Variants in COL5A2 observed in about 807,000 individuals in gnomAD.
COL5A2 encodes collagen alpha-2(V) chain.
Under a neutral mutation model 208.2 loss-of-function variants are expected in COL5A2, and 23 were observed. That is an observed-to-expected ratio of 0.11 (90% confidence interval 0.08 to 0.16). The LOEUF is 0.16. Ranked by LOEUF, COL5A2 falls within the 10% of genes least tolerant of loss-of-function variation. The pLI, the probability that COL5A2 is intolerant of heterozygous loss-of-function variation, is 1.00. For missense variants in COL5A2, 1,590 were observed against 1,956.4 expected (o/e 0.81, Z 3.53); for synonymous variants, 625 against 628.5 (o/e 0.99, Z 0.08).
Position 189,110,358 on chromosome 2 carries a change from G to C in COL5A2, c.189C>G (p.Val63=). The change falls in exon 2 of 54, where the codon GTC becomes GTG. Residue 63 remains valine (V), a synonymous_variant. Coordinates refer to ENST00000374866, the MANE Select transcript of COL5A2 (RefSeq NM_000393.5). ...CACAGAGAATGGCTCCATTGTCACA[G>C]ACACAGATCTGACAAGGGGCAGGTT... is the stretch of plus-strand genomic sequence containing the variant. The part of the protein sequence containing the change: ...IWKPAPCQIC[V]CDNGAILCDK... 2 of 1,614,138 alleles carry C rather than the reference G, an allele frequency of 1.2e-6. No individual in the cohort carries two copies. Among genetic ancestry groups the C allele is most frequent in the Non-Finnish European group, 1.7e-6 (2 of 1,180,008 alleles).
rs1576506089 is a variant in COL5A2, at chr2:189,068,895, G to A, written c.1159-11C>T. On this transcript the variant is annotated splice_polypyrimidine_tract_variant and intron_variant, in intron 18 of 53. Coordinates refer to ENST00000374866, the MANE Select transcript of COL5A2 (RefSeq NM_000393.5). ...AGGACCTGCTTCTCCCTAAAAGGGTGCAAAGGGAAATGTTAATTTAAGAAA... is the reference window on the plus strand; with the variant it reads ...AGGACCTGCTTCTCCCTAAAAGGGTACAAAGGGAAATGTTAATTTAAGAAA... The A allele has an allele frequency of 4.5e-6, 7 of 1,567,416 alleles. No homozygotes were observed. The highest frequency in any genetic ancestry group is 8.8e-7 in the Non-Finnish European group (1 of 1,138,118).
the COL5A2 span, among the ~76,000 whole-genome samples, chr2:189,361,076 C>T: frequency 0.037 from 5,538 of 151,630 alleles, 117 homozygotes; most frequent in Admixed American, 0.05. Flanking sequence ...GTGTACTCAG[C>T]AGCTGTTGGA....
chr2:189,351,131 C>T, the COL5A2 span, among the ~76,000 whole-genome samples: 198 of 152,248 alleles, frequency 1.3e-3, 3 homozygotes, highest in Middle Eastern at 0.017. Context: ...ATATGGCTAA[C>T]ATGTAGATAA....
At chr2:189,060,270 A>G (rs922888047) in intron 31 of COL5A2, among the ~76,000 whole-genome samples, 3 of 152,216 alleles carry the variant, frequency 2.0e-5, no homozygotes, top group African/African-American at 7.2e-5. Flanking sequence ...CTGTAAGGAC[A>G]GCAAGGTCCA....
the COL5A2 span, among the ~76,000 whole-genome samples, chr2:189,409,476 T>C: frequency 6.6e-6 from 1 of 152,098 alleles, no homozygotes; most frequent in Non-Finnish European, 1.5e-5. Context: ...AAGGAATTAA[T>C]GAAATAAGAA....
At chr2:189,273,226 C>T in the COL5A2 span, among the ~76,000 whole-genome samples, 56 of 152,188 alleles carry the variant, frequency 3.7e-4, no homozygotes, top group Middle Eastern at 0.02. Flanking sequence ...TATCATGTGA[C>T]AGCCTATGTG....
the COL5A2 span, among the ~76,000 whole-genome samples, chr2:189,391,766 T>C: frequency 2.0e-5 from 3 of 152,144 alleles, no homozygotes; most frequent in Non-Finnish European, 2.9e-5. Context: ...AGGTTAGAAC[T>C]TGCTTCAAAA....
the COL5A2 span, among the ~76,000 whole-genome samples, chr2:189,410,172 T>C: frequency 6.6e-6 from 1 of 152,210 alleles, no homozygotes; most frequent in African/African-American, 2.4e-5. Flanking sequence ...AACATAACTT[T>C]CTACATATAC....
At chr2:189,124,590 C>A (rs1329464333) in intron 1 of COL5A2, among the ~76,000 whole-genome samples, 1 of 152,068 alleles carries the variant, frequency 6.6e-6, no homozygotes, top group Non-Finnish European at 1.5e-5. Flanking sequence ...AGGAAAAATT[C>A]AATAAAATTC....
chr2:189,247,397 C>G, the COL5A2 span, among the ~76,000 whole-genome samples: 1 of 152,036 alleles, frequency 6.6e-6, no homozygotes, highest in African/African-American at 2.4e-5. Flanking sequence ...GTGAAACATG[C>G]ACCCATAACT....
the COL5A2 span, among the ~76,000 whole-genome samples, chr2:189,393,644 TCAAC>T: frequency 6.6e-6 from 1 of 152,154 alleles, no homozygotes; most frequent in Non-Finnish European, 1.5e-5. Flanking sequence ...CAACAGTGAC[TCAAC>T]TCTTTCCCAA....
the COL5A2 span, among the ~76,000 whole-genome samples, chr2:189,356,477 A>G: frequency 6.6e-6 from 1 of 152,008 alleles, no homozygotes; most frequent in Non-Finnish European, 1.5e-5. Context: ...GCTTTATTTC[A>G]TTGAGTTGAT....
intron 42 of COL5A2, 35 bp from the exon 43 acceptor site, chr2:189,050,711 C>A (rs1053761446): frequency 2.4e-5 from 37 of 1,514,032 alleles, no homozygotes; most frequent in Admixed American, 3.9e-5. Flanking sequence ...CAGAAACTAT[C>A]CAGGGTAAAA....
the COL5A2 span, among the ~76,000 whole-genome samples, chr2:189,297,043 G>C: frequency 6.6e-6 from 1 of 152,130 alleles, no homozygotes; most frequent in Non-Finnish European, 1.5e-5. Context: ...TCTTGAAAAT[G>C]CTCCCAGTGG....
the COL5A2 span, among the ~76,000 whole-genome samples, chr2:189,356,695 G>C: frequency 1.3e-4 from 20 of 152,062 alleles, no homozygotes; most frequent in African/African-American, 4.8e-4. Context: ...CTTTAACTCG[G>C]AGGAGTTTGT....
At chr2:189,199,869 A>T (rs746310135) in intron 1 of COL5A2, among the ~76,000 whole-genome samples, 1 of 152,188 alleles carries the variant, frequency 6.6e-6, no homozygotes, top group Non-Finnish European at 1.5e-5. Flanking sequence ...GTACATCACT[A>T]TATCCTACAA....
the COL5A2 span, among the ~76,000 whole-genome samples, chr2:189,409,811 T>C: frequency 1.3e-5 from 2 of 152,210 alleles, no homozygotes; most frequent in Non-Finnish European, 2.9e-5. Flanking sequence ...TCAAGCAGAC[T>C]TGAAAACCTA....
At chr2:189,145,858 C>T (rs1285462712) in intron 1 of COL5A2, among the ~76,000 whole-genome samples, 1 of 151,934 alleles carries the variant, frequency 6.6e-6, no homozygotes. Flanking sequence ...TTCTTTAGAA[C>T]CAAAAATCTT....
Position 189,204,861 on chromosome 2 carries a change from T to A in COL5A2, c.-42+20287A>T, listed in dbSNP as rs1689123876. On this transcript the variant is annotated intron_variant, in intron 1 of 10. Transcript: ENST00000649966. ...AATGGTGGAGTGAGAAGTGGTAGAA[T>A]ACCTGCGATTTATTTGTGACCCCAG... Among the ~76,000 whole-genome samples, 4 of 152,316 alleles carry A rather than the reference T, an allele frequency of 2.6e-5. No individual in the cohort carries two copies. The South Asian group carries it at 8.3e-4, about 32-fold the overall frequency.
Sources: allele counts gnomAD v4.1 joint callset (sites outside exome capture counted in the v4.1 genomes callset), GRCh38; gene constraint gnomAD v4.1.1; transcripts MANE v1.5; gene names NCBI Gene and HGNC (gene_info 2026-07-23, HGNC 2026-07-21).